PSMD5: variants seen among roughly 807,000 people sequenced by gnomAD.
The protein encoded by PSMD5 is 26S proteasome non-ATPase regulatory subunit 5.
In PSMD5, 40 loss-of-function variants were observed where a neutral mutation model predicts 52.1. The ratio of observed to expected loss-of-function variants is 0.77; its 90% CI spans 0.60 to 1.00. PSMD5 has a LOEUF of 1.00. Ranked by LOEUF, PSMD5 falls within the 50% of genes least tolerant of loss-of-function variation. The pLI is 0.00. For synonymous variants in PSMD5, 211 were observed against 226.6 expected (o/e 0.93, Z 0.62); for missense variants, 575 against 605.2 (o/e 0.95, Z 0.52).
intron 1 of PSMD5, among the ~76,000 whole-genome samples, chr9:120,833,975 C>CA (rs746966973): frequency 1.2e-5 from 1 of 80,324 alleles, no homozygotes; most frequent in Non-Finnish European, 2.4e-5. Context: ...CGCACCTGGC[C>CA]TTTTTTTTTT....
intron 1 of PSMD5, among the ~76,000 whole-genome samples, chr9:120,834,821 A>C (rs2045187487): frequency 6.6e-6 from 1 of 152,236 alleles, no homozygotes; most frequent in Non-Finnish European, 1.5e-5. Context: ...ATTACAAGGC[A>C]GTAAATGGTG....
chr9:120,835,689 A>G (rs977249342), intron 1 of PSMD5, among the ~76,000 whole-genome samples: 3 of 152,088 alleles, frequency 2.0e-5, no homozygotes, highest in Middle Eastern at 3.2e-3. Context: ...AGATAGCGCC[A>G]TCGCACTCCA....
chr9:120,840,492 C>CTGGAG (rs1354571164), intron 1 of PSMD5, among the ~76,000 whole-genome samples: 2 of 151,918 alleles, frequency 1.3e-5, no homozygotes, highest in Non-Finnish European at 2.9e-5. Flanking sequence ...TGTTGCCAGG[C>CTGGAG]TGGAGTGCAG....
chr9:120,840,697 G>A (rs530506784), intron 1 of PSMD5, among the ~76,000 whole-genome samples: 4 of 143,998 alleles, frequency 2.8e-5, no homozygotes, highest in African/African-American at 7.7e-5. Flanking sequence ...TCGTCTCACC[G>A]CAACCTCTGC....
intron 3 of PSMD5, 100 bp downstream of exon 3, chr9:120,831,732 T>C (rs2045161471): frequency 2.0e-6 from 3 of 1,486,528 alleles, no homozygotes; most frequent in African/African-American, 1.4e-5. Flanking sequence ...ACGCAAATCA[T>C]CCATTCTAAA....
At chr9:120,819,847 T>A (rs1447120294) in intron 9 of PSMD5, among the ~76,000 whole-genome samples, 3 of 151,582 alleles carry the variant, frequency 2.0e-5, no homozygotes, top group Admixed American at 6.6e-5. Flanking sequence ...AAAAAAAAAA[T>A]GTTTCTGAAG....
In PSMD5 at chr9:120,816,434, T is replaced by C. The variant is rs1564472489; in HGVS notation, c.*1472A>G. ...ATGAATGAGATTAAAACAAAGGTCATTTTAAGAGAATATTTCTCAGGCCAG... is the reference window on the plus strand; with the variant it reads ...ATGAATGAGATTAAAACAAAGGTCACTTTAAGAGAATATTTCTCAGGCCAG... On this transcript the variant is annotated 3_prime_UTR_variant, in exon 10 of 10. Coordinates refer to ENST00000210313, the MANE Select transcript of PSMD5 (RefSeq NM_005047.4). 1 of 152,114 alleles carries C rather than the reference T, an allele frequency of 6.6e-6. No individual in the cohort carries two copies. Among genetic ancestry groups the C allele is most frequent in the Admixed American group, 6.5e-5 (1 of 15,276 alleles). The allele number at this position is 152,114 out of a possible 1,614,324, so 9.4% of individuals were successfully genotyped here. A position where few individuals can be genotyped will look rare whatever the true frequency, so the allele number is the denominator to read the frequency against.
In PSMD5 at chr9:120,817,891, G is replaced by A; in HGVS notation, c.*15C>T. The A allele has an allele frequency of 6.2e-7, 1 of 1,602,250 alleles. No individual in the cohort carries two copies. The highest frequency in any genetic ancestry group is 1.1e-5 in the South Asian group (1 of 90,436). ...TTGGTCAAAACGTGGTCCTCTACAT[G>A]AGCTCTAGAAGAAATCATTCGGCTC... On this transcript the variant is annotated 3_prime_UTR_variant, in exon 10 of 10. Coordinates refer to ENST00000210313, the MANE Select transcript of PSMD5 (RefSeq NM_005047.4).
chr9:120,831,594 A>C (rs987987691), intron 3 of PSMD5, 135 bp from the exon 4 acceptor site: 15 of 1,201,922 alleles, frequency 1.2e-5, no homozygotes, highest in Middle Eastern at 5.3e-4. Flanking sequence ...GAAAAGACGC[A>C]AGGTATCCCC....
At chr9:120,840,058 G>C (rs558055356) in intron 1 of PSMD5, among the ~76,000 whole-genome samples, 1 of 149,732 alleles carries the variant, frequency 6.7e-6, no homozygotes, top group Non-Finnish European at 1.5e-5. Flanking sequence ...AACCTGGGAG[G>C]CGAGGTTACA....
At chr9:120,819,753 G>A (rs1010148754) in intron 9 of PSMD5, among the ~76,000 whole-genome samples, 2 of 152,082 alleles carry the variant, frequency 1.3e-5, no homozygotes, top group Admixed American at 6.5e-5. Flanking sequence ...GGAGAATGGC[G>A]TGAACCCGGG....
chr9:120,840,126 CAAAA>C (rs748840129), intron 1 of PSMD5, among the ~76,000 whole-genome samples: 2 of 39,140 alleles, frequency 5.1e-5, no homozygotes, highest in East Asian at 8.6e-4. Context: ...GAACCCGTCT[CAAAA>C]AAAAAAAAAA....
intron 6 of PSMD5, 80 bp downstream of exon 6, chr9:120,826,685 C>T: frequency 6.7e-7 from 1 of 1,492,574 alleles, no homozygotes; most frequent in Non-Finnish European, 9.1e-7. Flanking sequence ...TGTCCACTCC[C>T]TACCCCAACC....
chr9:120,821,642 G>T (rs1037709010), intron 7 of PSMD5, among the ~76,000 whole-genome samples, 178 bp from the exon 8 acceptor site: 4 of 152,158 alleles, frequency 2.6e-5, no homozygotes, highest in Non-Finnish European at 5.9e-5. Flanking sequence ...CTGAAACTCT[G>T]TATCCATCAA....
At chr9:120,833,991 T>C (rs1379228923) in intron 1 of PSMD5, among the ~76,000 whole-genome samples, 5 of 142,694 alleles carry the variant, frequency 3.5e-5, no homozygotes, top group African/African-American at 1.0e-4. Context: ...TTTTTTTTTT[T>C]TTTTTTGAGA....
rs563891805 is a variant in PSMD5, at chr9:120,818,090, C to A, written c.1331G>T (p.Arg444Leu). 3 of 1,614,028 alleles carry A rather than the reference C, an allele frequency of 1.9e-6. No homozygotes were observed. Among genetic ancestry groups the A allele is most frequent in the Admixed American group, 1.7e-5 (1 of 60,000 alleles). The part of the protein sequence containing the change: ...SPGFVEYVVD[R>L]SVEHDKASKD... ...TGAAGCTTTGTCATGCTCCACAGAC[C>A]GGTCCACCACATATTCTACAAAACC... The change falls in exon 10 of 10, where the codon CGG (arginine) becomes CTG (leucine). Residue 444 changes from arginine to leucine, a missense_variant. Arg to Leu is a moderately radical substitution (Grantham distance 102, BLOSUM62 -2). Transcript: ENST00000210313.
intron 7 of PSMD5, among the ~76,000 whole-genome samples, chr9:120,822,507 T>C (rs565893860): frequency 4.6e-5 from 7 of 152,232 alleles, no homozygotes; most frequent in Non-Finnish European, 1.0e-4. Flanking sequence ...TTAGCTGTGA[T>C]ACACAACAGC....
At position 120,818,175 on chromosome 9, in the gene PSMD5, G is replaced by A; in HGVS notation, c.1258-12C>T. ...TGGTTTGCAATGGCCTGAAATGGAA[G>A]GCAGAAAGAATACAATTCCCCTGAG... On this transcript the variant is annotated splice_polypyrimidine_tract_variant and intron_variant, in intron 9 of 9. Coordinates refer to ENST00000210313, the MANE Select transcript of PSMD5 (RefSeq NM_005047.4). The A allele has an allele frequency of 6.2e-7, 1 of 1,604,314 alleles. No homozygotes were observed. The highest frequency in any genetic ancestry group is 2.2e-5 in the East Asian group (1 of 44,710).
intron 8 of PSMD5, 60 bp from the exon 9 acceptor site, chr9:120,821,039 T>C: frequency 2.0e-6 from 3 of 1,503,064 alleles, no homozygotes; most frequent in South Asian, 1.4e-5. Flanking sequence ...AAAGCACTTA[T>C]TTAGAAGTCA....
Sources: allele counts gnomAD v4.1 joint callset (sites outside exome capture counted in the v4.1 genomes callset), GRCh38; gene constraint gnomAD v4.1.1; transcripts MANE v1.5; gene names NCBI Gene and HGNC (gene_info 2026-07-23, HGNC 2026-07-21).